The following NCKAP5 variants were observed in gnomAD, a reference collection of about 807,000 sequenced individuals.
The protein encoded by NCKAP5 is NCK associated protein 5.
In NCKAP5, 92 loss-of-function variants were observed where a neutral mutation model predicts 167.0. That is an observed-to-expected ratio of 0.55 (90% confidence interval 0.47 to 0.66). NCKAP5 has a LOEUF of 0.66. Ranked by LOEUF, NCKAP5 falls within the 30% of genes least tolerant of loss-of-function variation. The pLI is 0.00. For synonymous variants in NCKAP5, 891 were observed against 877.4 expected, an observed-to-expected ratio of 1.02 and a Z score of -0.27; for missense variants, 2,378 against 2,315.0, an observed-to-expected ratio of 1.03 and a Z score of -0.56.
intron 3 of NCKAP5, among the ~76,000 whole-genome samples, chr2:133,417,693 C>G: frequency 6.6e-6 from 1 of 150,744 alleles, no homozygotes; most frequent in East Asian, 2.0e-4. Context: ...CAGTGTAGAT[C>G]AAAGGATGGA....
chr2:132,813,464 C>G (rs1240864537), intron 11 of NCKAP5, among the ~76,000 whole-genome samples: 2 of 152,138 alleles, frequency 1.3e-5, no homozygotes, highest in Non-Finnish European at 2.9e-5. Context: ...AGCTTTTATG[C>G]CTTCTCAGTA....
intron 3 of NCKAP5, among the ~76,000 whole-genome samples, chr2:133,492,273 T>G (rs577827939): frequency 6.6e-6 from 1 of 152,126 alleles, no homozygotes; most frequent in Admixed American, 6.5e-5. Flanking sequence ...ATTCACCACA[T>G]AAGTGAAATT....
intron 4 of NCKAP5, among the ~76,000 whole-genome samples, chr2:133,278,020 C>T (rs892902403): frequency 6.6e-6 from 1 of 152,020 alleles, no homozygotes; most frequent in African/African-American, 2.4e-5. Context: ...AATAATGAAA[C>T]CACGCCATCA....
At chr2:133,083,334 C>T (rs551057256) in intron 6 of NCKAP5, among the ~76,000 whole-genome samples, 1 of 152,256 alleles carries the variant, frequency 6.6e-6, no homozygotes, top group East Asian at 1.9e-4. Flanking sequence ...TTGATCCACT[C>T]AGGGGCTTGC....
At chr2:133,546,715 G>A (rs570936114) in intron 2 of NCKAP5, among the ~76,000 whole-genome samples, 3 of 152,264 alleles carry the variant, frequency 2.0e-5, no homozygotes, top group Admixed American at 6.5e-5. Context: ...AACACTTGGT[G>A]TAAAACCATT....
rs187868842 is a variant in NCKAP5, at chr2:133,160,509, G to A, written c.208-30398C>T. On this transcript the variant is annotated intron_variant, in intron 5 of 19. Coordinates refer to ENST00000409261, the MANE Select transcript of NCKAP5 (RefSeq NM_207363.3). Reference sequence around the variant, plus strand: ...ATGAATCAGGCAGCCCTTAGGATCAGAAAAGATTCAGAGAACTCCCAGGTC... The same window carrying A: ...ATGAATCAGGCAGCCCTTAGGATCAAAAAAGATTCAGAGAACTCCCAGGTC... Among the ~76,000 whole-genome samples the A allele has an allele frequency of 8.8e-3, 1,254 of 142,278 alleles. 5 individuals carry two copies. The highest frequency in any genetic ancestry group is 0.013 in the Non-Finnish European group (856 of 66,922). 93.3% of individuals were successfully genotyped at this position (142,278 alleles called of 152,430 possible).
At chr2:133,109,123 C>T (rs767456472) in intron 6 of NCKAP5, among the ~76,000 whole-genome samples, 1 of 152,184 alleles carries the variant, frequency 6.6e-6, no homozygotes, top group Non-Finnish European at 1.5e-5. Flanking sequence ...AACTTCCCAG[C>T]CTGTACGATG....
At chr2:133,192,624 A>G (rs1377846885) in intron 5 of NCKAP5, among the ~76,000 whole-genome samples, 1 of 152,118 alleles carries the variant, frequency 6.6e-6, no homozygotes, top group Non-Finnish European at 1.5e-5. Flanking sequence ...GATTATACAC[A>G]AATGACAAAT....
chr2:133,503,239 T>C (rs1031061513), intron 3 of NCKAP5, among the ~76,000 whole-genome samples: 2 of 152,228 alleles, frequency 1.3e-5, no homozygotes, highest in Admixed American at 6.5e-5. Flanking sequence ...GGAATGCTCC[T>C]TTCTGCTCAA....
chr2:133,493,752 T>G (rs1361379541), intron 3 of NCKAP5, among the ~76,000 whole-genome samples: 1 of 152,224 alleles, frequency 6.6e-6, no homozygotes, highest in Non-Finnish European at 1.5e-5. Flanking sequence ...TCCATTTGCT[T>G]ATAGTACACA....
intron 6 of NCKAP5, among the ~76,000 whole-genome samples, chr2:133,095,566 G>T (rs2081320245): frequency 6.6e-6 from 1 of 152,216 alleles, no homozygotes. Flanking sequence ...TGGCAGGGGT[G>T]CAGCCCCCAG....
At chr2:133,581,899 G>A in the NCKAP5 span, among the ~76,000 whole-genome samples, 4 of 152,160 alleles carry the variant, frequency 2.6e-5, no homozygotes, top group South Asian at 6.2e-4. Context: ...ATAGTAGTAG[G>A]CATGCCCATG....
chr2:133,515,661 A>G (rs1378409216), intron 3 of NCKAP5, among the ~76,000 whole-genome samples: 4 of 152,228 alleles, frequency 2.6e-5, no homozygotes, highest in Non-Finnish European at 5.9e-5. Flanking sequence ...TTTCAGCTAG[A>G]CTGGTAATGT....
intron 3 of NCKAP5, among the ~76,000 whole-genome samples, chr2:133,476,621 T>C (rs889619956): frequency 2.6e-5 from 4 of 152,188 alleles, no homozygotes; most frequent in Admixed American, 1.3e-4. Context: ...CTTCATACAT[T>C]CTTCCCCTAG....
chr2:132,933,908 T>C (rs1696637422), intron 8 of NCKAP5, among the ~76,000 whole-genome samples: 1 of 152,106 alleles, frequency 6.6e-6, no homozygotes, highest in Admixed American at 6.5e-5. Flanking sequence ...CACTACACAA[T>C]CCCCGAAGAG....
chr2:133,512,358 A>C (rs1456792753), intron 3 of NCKAP5, among the ~76,000 whole-genome samples: 1 of 152,232 alleles, frequency 6.6e-6, no homozygotes, highest in Non-Finnish European at 1.5e-5. Context: ...ATCACTACTT[A>C]GAAAATCAGC....
At chr2:133,102,898 T>TGAA (rs143518446) in intron 6 of NCKAP5, among the ~76,000 whole-genome samples, 4,284 of 152,190 alleles carry the variant, frequency 0.028, 176 homozygotes, top group African/African-American at 0.094. Context: ...TCAAGTCCCG[T>TGAA]GAATGCAAGA....
intron 8 of NCKAP5, among the ~76,000 whole-genome samples, chr2:132,913,062 G>T (rs1422837461): frequency 6.6e-6 from 1 of 151,832 alleles, no homozygotes; most frequent in Non-Finnish European, 1.5e-5. Context: ...TTAAGACTTG[G>T]ACCTAAGATT....
chr2:132,960,861 G>T (rs2149193595), intron 8 of NCKAP5, among the ~76,000 whole-genome samples: 1 of 152,266 alleles, frequency 6.6e-6, no homozygotes, highest in African/African-American at 2.4e-5. Context: ...CCACCACCCT[G>T]AAAATCATTC....
Sources: allele counts gnomAD v4.1 joint callset (sites outside exome capture counted in the v4.1 genomes callset), GRCh38; gene constraint gnomAD v4.1.1; transcripts MANE v1.5; gene names NCBI Gene and HGNC (gene_info 2026-07-23, HGNC 2026-07-21).